Variants in RHD observed in about 807,000 individuals in gnomAD.
The protein encoded by RHD is Rh blood group D antigen.
In RHD, 16 loss-of-function variants were observed where a neutral mutation model predicts 45.5. The observed-to-expected ratio is 0.35, with a 90% CI of 0.24 to 0.53. RHD has a LOEUF of 0.53. Ranked by LOEUF, RHD falls within the 20% of genes least tolerant of loss-of-function variation. RHD has a pLI of 0.92. For missense variants in RHD, 306 were observed against 532.0 expected (o/e 0.58, Z 4.18); for synonymous variants, 131 against 217.5 (o/e 0.60, Z 3.50).
chr1:25,307,828 T>C (rs760858348), intron 7 of RHD: 1 of 1,301,950 alleles, frequency 7.7e-7, no homozygotes, highest in South Asian at 1.3e-5. Flanking sequence ...TGAGACATCC[T>C]TGCTTGGGAT....
chr1:25,278,466 C>G (rs2124600495), intron 1 of RHD, among the ~76,000 whole-genome samples: 1 of 131,852 alleles, frequency 7.6e-6, no homozygotes, highest in African/African-American at 2.6e-5. Context: ...GGTGCAACAA[C>G]TGGGCTGGGT....
In RHD at chr1:25,318,621, A is replaced by T. The variant is rs760127836; in HGVS notation, c.1153+1542A>T. The stretch of plus-strand genomic sequence containing the variant: ...GAAAGAAAATATACATTCCATCCAG[A>T]ACTGTTCACCTTTATTCTACAAGCA... On this transcript the variant is annotated intron_variant, in intron 8 of 9. Coordinates refer to ENST00000328664, the MANE Select transcript of RHD (RefSeq NM_016124.6). Among the ~76,000 whole-genome samples the T allele has an allele frequency of 3.8e-5, 5 of 131,960 alleles. 2 individuals carry two copies. The highest frequency in any genetic ancestry group is 9.0e-5 in the Non-Finnish European group (5 of 55,522). The allele number at this position is 131,960 out of a possible 152,430, so 86.6% of individuals were successfully genotyped here. A position where few individuals can be genotyped will look rare whatever the true frequency, so the allele number is the denominator to read the frequency against.
In RHD at chr1:25,329,097, A is replaced by C. The variant is rs1212714167; in HGVS notation, c.*173A>C. The stretch of plus-strand genomic sequence containing the variant: ...CCTTTCTCTGCCACTCTTTGAGGAG[A>C]ATCTCACCATTTATTATGCACTGTA... On this transcript the variant is annotated 3_prime_UTR_variant, in exon 10 of 10. Transcript: ENST00000328664. The C allele has an allele frequency of 7.9e-7, 1 of 1,267,470 alleles. No individual in the cohort carries two copies. The highest frequency in any genetic ancestry group is 2.0e-5 in the Admixed American group (1 of 49,510). The allele number at this position is 1,267,470 out of a possible 1,614,324, so 78.5% of individuals were successfully genotyped here.
At chr1:25,322,357 G>A (rs1644757816) in intron 9 of RHD, among the ~76,000 whole-genome samples, 1 of 132,956 alleles carries the variant, frequency 7.5e-6, no homozygotes, top group South Asian at 2.3e-4. Flanking sequence ...CAGATGCTAA[G>A]AGTGGAGACA....
rs1401897118 is a variant in RHD, at chr1:25,290,115, T to C, written c.336-526T>C. Reference sequence around the variant, plus strand: ...GCCACTCCAGTGGCAAGGCTGGGACTGGAAGCCGGGCTTGTCCTGATTCCA... The same window carrying C: ...GCCACTCCAGTGGCAAGGCTGGGACCGGAAGCCGGGCTTGTCCTGATTCCA... On this transcript the variant is annotated intron_variant, in intron 2 of 9. Transcript: ENST00000328664. Among the ~76,000 whole-genome samples the C allele has an allele frequency of 1.6e-5, 2 of 127,740 alleles. 1 individual carries two copies. Among genetic ancestry groups the C allele is most frequent in the Non-Finnish European group, 3.7e-5 (2 of 54,502 alleles). 83.8% of individuals were successfully genotyped at this position (127,740 alleles called of 152,430 possible). A position where few individuals can be genotyped will look rare whatever the true frequency, so the allele number is the denominator to read the frequency against.
rs1266554161 is a variant in RHD, at chr1:25,322,138, G to A, written c.1227+176G>A. Among the ~76,000 whole-genome samples, 3 of 131,486 alleles carry A rather than the reference G, an allele frequency of 2.3e-5. 1 individual carries two copies. Among genetic ancestry groups the A allele is most frequent in the African/African-American group, 2.6e-5 (1 of 38,636 alleles). 86.3% of individuals were successfully genotyped at this position (131,486 alleles called of 152,430 possible). ...CCATGATATGCATGTGTGTGGGGGA[G>A]GGTGGCGGGGAGGTGGTAAAGGTCA... On this transcript the variant is annotated intron_variant, in intron 9 of 9. Transcript: ENST00000328664.
rs1288623067 is a variant in RHD at position 25,312,849 on chromosome 1, G to A, written c.1074-4151G>A. Reference sequence around the variant, plus strand: ...ACAGGAGGATTACTTGAGCCAAGGAGTTTGAGGCTGCAGTGAGCTATGATC... The same window carrying A: ...ACAGGAGGATTACTTGAGCCAAGGAATTTGAGGCTGCAGTGAGCTATGATC... On this transcript the variant is annotated intron_variant, in intron 7 of 9. Transcript: ENST00000328664. Among the ~76,000 whole-genome samples the A allele has an allele frequency of 6.6e-5, 7 of 106,064 alleles. 1 individual carries two copies. In the South Asian group the frequency reaches 1.5e-3, roughly 23 times the overall value. 69.6% of individuals were successfully genotyped at this position (106,064 alleles called of 152,430 possible). A position where few individuals can be genotyped will look rare whatever the true frequency, so the allele number is the denominator to read the frequency against.
chr1:25,310,484 A>G (rs1225928631), intron 7 of RHD, among the ~76,000 whole-genome samples: 3 of 131,706 alleles, frequency 2.3e-5, no homozygotes, highest in African/African-American at 5.1e-5. Context: ...AAATCAATTT[A>G]TTTTCTTTAT....
intron 7 of RHD, among the ~76,000 whole-genome samples, chr1:25,312,957 T>TAAAAAAAAAAAAAAAAAAAAAAA (rs1491188755): frequency 4.1e-5 from 1 of 24,412 alleles, no homozygotes; most frequent in East Asian, 1.4e-3. Flanking sequence ...AAAAAAAAAC[T>TAAAAAAAAAAAAAAAAAAAAAAA]TTAGTGCTAT....
rs1294152803 is a variant in RHD, at chr1:25,279,079, G to T, written c.149-5494G>T. Among the ~76,000 whole-genome samples, 20 of 129,484 alleles carry T rather than the reference G, an allele frequency of 1.5e-4. 7 individuals carry two copies. The highest frequency in any genetic ancestry group is 3.5e-4 in the Non-Finnish European group (19 of 55,038). The allele number at this position is 129,484 out of a possible 152,430, so 84.9% of individuals were successfully genotyped here. ...GCGCAGATCCAGAATCACGGAGGCA[G>T]CTGACCGGAGGAGGCAGCTGCCCAA... On this transcript the variant is annotated intron_variant, in intron 1 of 9. Transcript: ENST00000328664.
At chr1:25,297,656 C>T (rs1206161642) in intron 3 of RHD, among the ~76,000 whole-genome samples, 1 of 131,960 alleles carries the variant, frequency 7.6e-6, no homozygotes, top group African/African-American at 2.6e-5. Context: ...TTTATATCAC[C>T]ATGGGCTCCT....
rs58027687 is a variant in RHD at position 25,312,920 on chromosome 1, TAAAAAAAAAAAAAAAAAAAAA to T, written c.1074-4065_1074-4045del. Among the ~76,000 whole-genome samples the T allele has an allele frequency of 1.0e-3, 7 of 6,856 alleles. 1 individual carries two copies. In the South Asian group the frequency reaches 0.016, roughly 16 times the overall value. The allele number at this position is 6,856 out of a possible 152,430, so 4.5% of individuals were successfully genotyped here. A position where few individuals can be genotyped will look rare whatever the true frequency, so the allele number is the denominator to read the frequency against. ...GGATGATAGAGCAAAATCCCATCTC[TAAAAAAAAAAAAAAAAAAAAA>T]AAAAAAAAAAAAAACTTTAGTGCTA... is the stretch of plus-strand genomic sequence containing the variant. On this transcript the variant is annotated intron_variant, in intron 7 of 9. Transcript: ENST00000328664.
intron 1 of RHD, among the ~76,000 whole-genome samples, chr1:25,282,623 T>A (rs1383177457): frequency 7.5e-6 from 1 of 132,622 alleles, no homozygotes; most frequent in Non-Finnish European, 1.8e-5. Context: ...CCCTTCCACC[T>A]TTTTGAAAAA....
At position 25,307,128 on chromosome 1, in the gene RHD, A is replaced by C. The variant is rs372503629; in HGVS notation, c.1073+399A>C. On this transcript the variant is annotated intron_variant, in intron 7 of 9. Transcript: ENST00000328664. ...AACCTTTCTCAGCCTCAGTCGCCCC[A>C]TTGTAAATGGAGATAATGATACTAT... Among the ~76,000 whole-genome samples, 25 of 132,558 alleles carry C rather than the reference A, an allele frequency of 1.9e-4. 5 individuals are homozygous for C. The highest frequency in any genetic ancestry group is 4.4e-4 in the Admixed American group (6 of 13,672). The allele number at this position is 132,558 out of a possible 152,430, so 87.0% of individuals were successfully genotyped here. A position where few individuals can be genotyped will look rare whatever the true frequency, so the allele number is the denominator to read the frequency against.
rs1318615335 is a variant in RHD at position 25,290,794 on chromosome 1, G to C, written c.486+3G>C. 1 of 1,376,608 alleles carries C rather than the reference G, an allele frequency of 7.3e-7. No homozygotes were observed. The highest frequency in any genetic ancestry group is 2.2e-5 in the East Asian group (1 of 44,628). 85.3% of individuals were successfully genotyped at this position (1,376,608 alleles called of 1,614,324 possible). The stretch of plus-strand genomic sequence containing the variant: ...TGGTCATCAGTAATATCTTCAACGT[G>C]AGTCATGGTGCTGGGAGGAGGGACC... On this transcript the variant is annotated splice_donor_region_variant and intron_variant, in intron 3 of 9. Transcript: ENST00000328664.
rs1343152299 is a variant in RHD, at chr1:25,300,448, A to C, written c.487-498A>C. ...GATTGCTTGAGCCTGGGAGTTGGAG[A>C]CTACAGTGAGCTGTGGCCACACCAC... is the stretch of plus-strand genomic sequence containing the variant. On this transcript the variant is annotated intron_variant, in intron 3 of 9. Coordinates refer to ENST00000328664, the MANE Select transcript of RHD (RefSeq NM_016124.6). Among the ~76,000 whole-genome samples the C allele has an allele frequency of 1.2e-4, 15 of 126,506 alleles. 2 individuals carry two copies. Among genetic ancestry groups the C allele is most frequent in the African/African-American group, 4.1e-4 (15 of 36,536 alleles). 83.0% of individuals were successfully genotyped at this position (126,506 alleles called of 152,430 possible). A position where few individuals can be genotyped will look rare whatever the true frequency, so the allele number is the denominator to read the frequency against.
chr1:25,299,773 G>A (rs1178450037), intron 3 of RHD, among the ~76,000 whole-genome samples: 13 of 132,598 alleles, frequency 9.8e-5, no homozygotes, highest in Admixed American at 6.6e-4. Context: ...TTTATTTGAC[G>A]CAGTGTCACT....
chr1:25,321,275 C>T (rs1644682973), intron 8 of RHD, among the ~76,000 whole-genome samples: 1 of 124,792 alleles, frequency 8.0e-6, no homozygotes, highest in African/African-American at 2.7e-5. Flanking sequence ...CCCTTTTACT[C>T]CATCTGGGGA....
chr1:25,291,735 A>G lies in RHD; in HGVS notation c.486+944A>G, dbSNP rs1440854806. Among the ~76,000 whole-genome samples the G allele has an allele frequency of 9.0e-5, 12 of 132,708 alleles. 5 individuals carry two copies. Among genetic ancestry groups the G allele is most frequent in the Non-Finnish European group, 2.1e-4 (12 of 55,986 alleles). 87.1% of individuals were successfully genotyped at this position (132,708 alleles called of 152,430 possible). On this transcript the variant is annotated intron_variant, in intron 3 of 9. Coordinates refer to ENST00000328664, the MANE Select transcript of RHD (RefSeq NM_016124.6). The stretch of plus-strand genomic sequence containing the variant: ...TCAGTCAGTGCGTGTCAGTAACTGC[A>G]TATGTCCTCTCATTGGGAGAGCCTG...
Sources: allele counts gnomAD v4.1 joint callset (sites outside exome capture counted in the v4.1 genomes callset), GRCh38; gene constraint gnomAD v4.1.1; transcripts MANE v1.5; gene names NCBI Gene and HGNC (gene_info 2026-07-23, HGNC 2026-07-21).